The following TRIM27 variants were observed in gnomAD, a reference collection of about 807,000 sequenced individuals.
The protein encoded by TRIM27 is tripartite motif containing 27.
A neutral mutation model predicts 57.6 loss-of-function variants in TRIM27; 12 were observed. The ratio of observed to expected loss-of-function variants is 0.21; its 90% CI spans 0.13 to 0.34. TRIM27 has a LOEUF of 0.34. TRIM27 is among the 10% of genes least tolerant of loss of function. TRIM27 has a pLI of 1.00. For missense variants in TRIM27, 403 were observed against 656.8 expected, an observed-to-expected ratio of 0.61 and a Z score of 4.22; for synonymous variants, 266 against 259.0, an observed-to-expected ratio of 1.03 and a Z score of -0.26.
rs575478614 is a variant in TRIM27, at chr6:28,911,410, C to T, written c.770+286G>A. On this transcript the variant is annotated intron_variant, in intron 4 of 7. Transcript: ENST00000377199. ...ATAGGAAGCAATAGACATAAACTAC[C>T]CTTATATTCAGCCCAGGTCCCTGTA... is the stretch of plus-strand genomic sequence containing the variant. 1.1e-5 allele frequency: 4 copies of T among 370,388 alleles called. No individual in the cohort carries two copies. The East Asian group carries it at 1.6e-4, about 15-fold the overall frequency. 22.9% of individuals were successfully genotyped at this position (370,388 alleles called of 1,614,324 possible).
Position 28,908,830 on chromosome 6 carries a change from C to G in TRIM27, c.897G>C (p.Gln299His). The change falls in exon 6 of 8, where the codon CAG becomes CAC. Residue 299 changes from glutamine to histidine, a missense_variant. Physicochemically the swap from Gln to His is conservative, Grantham distance 24. Coordinates refer to ENST00000377199, the MANE Select transcript of TRIM27 (RefSeq NM_006510.5). ...ESLKQFTEKM[Q>H]SDMEKIQELR... ...TACCTTGGATTTTCTCCATATCTGA[C>G]TGCATTTTTTCTAAGAAAAGAAAAC... is the stretch of plus-strand genomic sequence containing the variant. 1 of 1,613,774 alleles carries G rather than the reference C, an allele frequency of 6.2e-7. No homozygotes were observed. Among genetic ancestry groups the G allele is most frequent in the Non-Finnish European group, 8.5e-7 (1 of 1,179,832 alleles).
chr6:28,912,011 C>T (rs922922424), intron 3 of TRIM27, among the ~76,000 whole-genome samples: 2 of 152,192 alleles, frequency 1.3e-5, no homozygotes, highest in Admixed American at 1.3e-4. Context: ...TATGATTGGA[C>T]CTCAAGCTTG....
At chr6:28,907,441 G>T in intron 6 of TRIM27, 179 bp from the exon 7 acceptor site, 1 of 719,538 alleles carries the variant, frequency 1.4e-6, no homozygotes, top group Non-Finnish European at 2.6e-6. Context: ...CCAACCAAAA[G>T]CTTTAAGGGG....
At chr6:28,912,199 AC>A (rs1380650107) in intron 3 of TRIM27, among the ~76,000 whole-genome samples, 7 of 140,212 alleles carry the variant, frequency 5.0e-5, no homozygotes, top group Non-Finnish European at 1.1e-4. Context: ...AACCTCTGCC[AC>A]CCGGGTTCGA....
rs376048183 is a variant in TRIM27, at chr6:28,923,581, C to T, written c.52G>A (p.Val18Met). Reference protein sequence around the residue: ...ECLQQETTCPVCLQYFAEPMM... With the variant: ...ECLQQETTCPMCLQYFAEPMM... ...GGCTCTGCGAAGTACTGCAGGCACA[C>T]GGGGCAGGTGGTCTCCTGCTGCAGG... The change falls in exon 1 of 8, where the codon GTG becomes ATG. Residue 18 changes from valine (V) to methionine (M), a missense_variant. Physicochemically the swap from Val to Met is conservative, Grantham distance 21. Coordinates refer to ENST00000377199, the MANE Select transcript of TRIM27 (RefSeq NM_006510.5). 61 of 1,607,554 alleles carry T rather than the reference C, an allele frequency of 3.8e-5. No individual in the cohort carries two copies. Among genetic ancestry groups the T allele is most frequent in the Non-Finnish European group, 4.9e-5 (58 of 1,177,298 alleles).
intron 4 of TRIM27, 57 bp from the exon 5 acceptor site, chr6:28,909,145 T>C (rs1289581057): frequency 5.4e-6 from 7 of 1,301,456 alleles, no homozygotes; most frequent in Non-Finnish European, 7.6e-6. Flanking sequence ...GTTTCGCTTG[T>C]TGCCCAGGCT....
chr6:28,908,925 T>C (rs1332887468), intron 5 of TRIM27, 48 bp downstream of exon 5: 2 of 1,597,518 alleles, frequency 1.3e-6, no homozygotes, highest in Non-Finnish European at 1.7e-6. Context: ...AATATGCAGA[T>C]ACTCAGTATA....
At position 28,904,728 on chromosome 6, in the gene TRIM27, C is replaced by T. The variant is rs4361641; in HGVS notation, c.947-63G>A. The T allele has an allele frequency of 6.5e-6, 8 of 1,231,514 alleles. No homozygotes were observed. The highest frequency in any genetic ancestry group is 3.0e-5 in the African/African-American group (2 of 66,188). The allele number at this position is 1,231,514 out of a possible 1,614,324, so 76.3% of individuals were successfully genotyped here. A position where few individuals can be genotyped will look rare whatever the true frequency, so the allele number is the denominator to read the frequency against. On this transcript the variant is annotated intron_variant, in intron 7 of 7. Transcript: ENST00000377199. The surrounding 1 kb of genome is among the most constrained non-coding windows in gnomAD (Gnocchi z 6.1). ...GGAGAGCCTATTTTAGAACACCCAGCGCCTTTCTACTACCTCCCCAATAAT... is the reference window on the plus strand; with the variant it reads ...GGAGAGCCTATTTTAGAACACCCAGTGCCTTTCTACTACCTCCCCAATAAT...
At chr6:28,913,260 A>T (rs1199189733) in intron 3 of TRIM27, among the ~76,000 whole-genome samples, 1 of 136,874 alleles carries the variant, frequency 7.3e-6, no homozygotes, top group Non-Finnish European at 1.6e-5. Flanking sequence ...CATCTCAAAA[A>T]AAAAAAAAAA....
intron 2 of TRIM27, 70 bp downstream of exon 2, chr6:28,921,822 G>A (rs1774060099): frequency 7.8e-7 from 1 of 1,276,296 alleles, no homozygotes; most frequent in Non-Finnish European, 1.1e-6. Context: ...CAAGTTTAAG[G>A]GAAGTAACAT....
chr6:28,914,394 C>T (rs1773447516), intron 3 of TRIM27, among the ~76,000 whole-genome samples: 1 of 151,864 alleles, frequency 6.6e-6, no homozygotes, highest in African/African-American at 2.4e-5. Flanking sequence ...CTCGGCCTCC[C>T]AAAGTACTGG....
intron 4 of TRIM27, among the ~76,000 whole-genome samples, chr6:28,910,437 G>C (rs2097424): frequency 0.45 from 68,685 of 151,870 alleles, 16,385 homozygotes; most frequent in African/African-American, 0.6. Context: ...TTGAGCAATT[G>C]TCCTGCCTCA....
chr6:28,918,994 A>G (rs113165536), intron 3 of TRIM27, among the ~76,000 whole-genome samples: 2 of 151,828 alleles, frequency 1.3e-5, no homozygotes, highest in African/African-American at 2.4e-5. Flanking sequence ...GCCATCATCC[A>G]TTTTTATTTT....
At chr6:28,912,899 C>A (rs1280872461) in intron 3 of TRIM27, among the ~76,000 whole-genome samples, 2 of 152,072 alleles carry the variant, frequency 1.3e-5, no homozygotes, top group Non-Finnish European at 2.9e-5. Flanking sequence ...TCCATCACAT[C>A]GTTAAATATT....
chr6:28,909,369 A>G (rs1773011266), intron 4 of TRIM27, among the ~76,000 whole-genome samples: 1 of 152,150 alleles, frequency 6.6e-6, no homozygotes, highest in Non-Finnish European at 1.5e-5. Flanking sequence ...GGCCTCCCAA[A>G]GTGCTGGGAT....
chr6:28,909,024 T>C lies in TRIM27; in HGVS notation c.835A>G (p.Ile279Val), dbSNP rs1441747603. 1.2e-6 allele frequency: 2 copies of C among 1,614,108 alleles called. No homozygotes were observed. Among genetic ancestry groups the C allele is most frequent in the Middle Eastern group, 3.3e-4 (2 of 6,062 alleles). The stretch of plus-strand genomic sequence containing the variant: ...AAGAATAGACATTTTTGGGCAAAAA[T>C]GTGGATTTTCTCTTGCAAATCTGGA... ...TPPDLQEKIH[I>V]FAQKCLFLTE... The change falls in exon 5 of 8, where the codon ATT becomes GTT. Residue 279 changes from isoleucine (I) to valine (V), a missense_variant. By Grantham distance (29) the Ile-to-Val change is conservative. Coordinates refer to ENST00000377199, the MANE Select transcript of TRIM27 (RefSeq NM_006510.5).
rs1269587552 is a variant in TRIM27, at chr6:28,918,615, C to CA, written c.747+1396dup. On this transcript the variant is annotated intron_variant, in intron 3 of 7. Coordinates refer to ENST00000377199, the MANE Select transcript of TRIM27 (RefSeq NM_006510.5). ...TAAACTGGCCTGACGCTGTGGCTCA[C>CA]ACTTGTAATCCCAACACTTTGGGAG... 3.9e-5 allele frequency among the ~76,000 whole-genome samples: 6 copies of CA among 152,326 alleles called. No individual in the cohort carries two copies. The South Asian group carries it at 1.2e-3, about 32-fold the overall frequency.
Position 28,918,710 on chromosome 6 carries a change from T to C in TRIM27, c.747+1302A>G, listed in dbSNP as rs182380396. Among the ~76,000 whole-genome samples the C allele has an allele frequency of 6.1e-3, 928 of 151,994 alleles. 7 individuals are homozygous for C. Among genetic ancestry groups the C allele is most frequent in the Middle Eastern group, 0.01 (3 of 294 alleles). ...GACCAATATGGTGAAACCCCGTCTC[T>C]ACTAAAAATACAAAAATTAGCCAGC... On this transcript the variant is annotated intron_variant, in intron 3 of 7. Transcript: ENST00000377199.
chr6:28,923,729 G>C lies in TRIM27; in HGVS notation c.-97C>G. The C allele has an allele frequency of 3.7e-6, 5 of 1,341,150 alleles. No homozygotes were observed. The highest frequency in any genetic ancestry group is 4.9e-6 in the Non-Finnish European group (5 of 1,011,740). 83.1% of individuals were successfully genotyped at this position (1,341,150 alleles called of 1,614,324 possible). A position where few individuals can be genotyped will look rare whatever the true frequency, so the allele number is the denominator to read the frequency against. ...GCTCTCTCCGGTTCGCTGTTCCTGA[G>C]AGGCACCGGGCGGACGGAGGGCGGC... On this transcript the variant is annotated 5_prime_UTR_variant, in exon 1 of 8. Transcript: ENST00000377199.
Sources: allele counts gnomAD v4.1 joint callset (sites outside exome capture counted in the v4.1 genomes callset), GRCh38; gene constraint gnomAD v4.1.1; non-coding constraint Gnocchi (gnomAD v3.1); transcripts MANE v1.5; gene names NCBI Gene and HGNC (gene_info 2026-07-23, HGNC 2026-07-21).